The following TRAPPC12 variants were observed in gnomAD, a reference collection of about 807,000 sequenced individuals.
TRAPPC12 encodes the protein trafficking protein particle complex subunit 12, also known as TPR repeat protein 15.
A neutral mutation model predicts 69.2 loss-of-function variants in TRAPPC12; 61 were observed. The observed-to-expected ratio is 0.88, with a 90% confidence interval of 0.72 to 1.09. The LOEUF (loss-of-function observed/expected upper bound fraction) is 1.09, where lower values mean the gene tolerates loss of function less well. TRAPPC12 is among the 50% of genes least tolerant of loss of function. The pLI, the probability that TRAPPC12 is intolerant of heterozygous loss-of-function variation, is 0.00. For synonymous variants in TRAPPC12, 469 were observed against 438.9 expected (o/e 1.07, Z -0.86); for missense variants, 1,101 against 1,016.4 (o/e 1.08, Z -1.13).
Position 3,401,884 on chromosome 2 carries a change from A to G in TRAPPC12, c.1155A>G (p.Lys385=), listed in dbSNP as rs369954623. The G allele has an allele frequency of 4.4e-6, 7 of 1,582,904 alleles. No homozygotes were observed. The African/African-American group carries it at 8.1e-5, about 18-fold the overall frequency. The stretch of plus-strand genomic sequence containing the variant: ...TGGAACAATCTTTTGTTGGATTGAA[A>G]CAGCTAATCGTAAGTGACAATGTGT... ...DSVEQSFVGL[K]QLISCRNWRA... Residue 385 remains lysine, a synonymous_variant, in exon 3 of 12, where the codon AAA becomes AAG. Coordinates refer to ENST00000324266, the MANE Select transcript of TRAPPC12 (RefSeq NM_016030.6).
At chr2:3,477,591 TATAA>T (rs1260996917) in intron 9 of TRAPPC12, 100 bp from the exon 10 acceptor site, 14 of 613,844 alleles carry the variant, frequency 2.3e-5, no homozygotes, top group Non-Finnish European at 3.6e-5. Context: ...CTGCCTGACA[TATAA>T]ATGTCTTCAT....
intron 3 of TRAPPC12, 90 bp downstream of exon 3, chr2:3,401,983 ATAT>A: frequency 1.1e-6 from 1 of 915,760 alleles, no homozygotes; most frequent in Admixed American, 2.8e-5. Context: ...ATTATTTTGA[ATAT>A]TATTCAAAGC....
chr2:3,387,247 G>T (rs1314855953), intron 1 of TRAPPC12, among the ~76,000 whole-genome samples: 1 of 152,166 alleles, frequency 6.6e-6, no homozygotes, highest in Non-Finnish European at 1.5e-5. Context: ...AGCCCTTGAG[G>T]ACTTTATACT....
chr2:3,387,616 T>C lies in TRAPPC12; in HGVS notation c.-4-4T>C. 6.6e-7 allele frequency: 1 copy of C among 1,523,574 alleles called. No homozygotes were observed. Among genetic ancestry groups the C allele is most frequent in the Non-Finnish European group, 8.8e-7 (1 of 1,130,762 alleles). The allele number at this position is 1,523,574 out of a possible 1,614,324, so 94.4% of individuals were successfully genotyped here. A position where few individuals can be genotyped will look rare whatever the true frequency, so the allele number is the denominator to read the frequency against. Reference sequence around the variant, plus strand: ...AGGGGCCTTCTCTCTGTCTTTGCTTTCAGGGTCATGGAGGACGCTGGCGGC... The same window carrying C: ...AGGGGCCTTCTCTCTGTCTTTGCTTCCAGGGTCATGGAGGACGCTGGCGGC... On this transcript the variant is annotated splice_region_variant and splice_polypyrimidine_tract_variant and intron_variant, in intron 1 of 11. Transcript: ENST00000324266.
chr2:3,427,249 C>T (rs1014586618), intron 5 of TRAPPC12, among the ~76,000 whole-genome samples: 1 of 152,200 alleles, frequency 6.6e-6, no homozygotes, highest in Non-Finnish European at 1.5e-5. Flanking sequence ...CCTCCAACCC[C>T]GCCCTCCCAC....
intron 2 of TRAPPC12, among the ~76,000 whole-genome samples, chr2:3,394,096 A>G (rs1035311119): frequency 2.0e-5 from 3 of 152,172 alleles, no homozygotes; most frequent in Admixed American, 1.3e-4. Flanking sequence ...TACCTTCCTC[A>G]ACCAAGTCCA....
intron 5 of TRAPPC12, among the ~76,000 whole-genome samples, chr2:3,427,725 CT>C (rs1663191403): frequency 6.6e-6 from 1 of 152,168 alleles, no homozygotes; most frequent in Admixed American, 6.5e-5. Context: ...ACCCCCATCT[CT>C]ACTAAAAATA....
chr2:3,445,113 A>G (rs1664439044), intron 6 of TRAPPC12, among the ~76,000 whole-genome samples: 1 of 152,218 alleles, frequency 6.6e-6, no homozygotes, highest in African/African-American at 2.4e-5. Flanking sequence ...TTGAGAGAGA[A>G]AATTCTGGGC....
In TRAPPC12 at chr2:3,435,362, A is replaced by AT. The variant is rs897619846; in HGVS notation, c.1418-8410dup. On this transcript the variant is annotated intron_variant, in intron 5 of 11. Coordinates refer to ENST00000324266, the MANE Select transcript of TRAPPC12 (RefSeq NM_016030.6). ...GGGGGCAGGGGAATGGCTCATTAACATTTTTTTAAATAACATTAACATTTT... is the reference window on the plus strand; with the variant it reads ...GGGGGCAGGGGAATGGCTCATTAACATTTTTTTTAAATAACATTAACATTTT... 3.3e-5 allele frequency among the ~76,000 whole-genome samples: 5 copies of AT among 152,138 alleles called. No homozygotes were observed. In the South Asian group the frequency reaches 8.3e-4, roughly 25 times the overall value.
chr2:3,459,048 T>G (rs975800171), intron 7 of TRAPPC12, among the ~76,000 whole-genome samples: 1 of 152,250 alleles, frequency 6.6e-6, no homozygotes, highest in African/African-American at 2.4e-5. Flanking sequence ...TTCTGTGTGT[T>G]CTCCTGAAGC....
chr2:3,385,131 C>G (rs573449159), intron 1 of TRAPPC12, among the ~76,000 whole-genome samples: 3 of 152,246 alleles, frequency 2.0e-5, no homozygotes, highest in African/African-American at 7.2e-5. Flanking sequence ...TCTTCCCATT[C>G]ATAAAAGCAT....
rs535494803 is a variant in TRAPPC12, at chr2:3,400,413, G to A, written c.1048-1364G>A. The stretch of plus-strand genomic sequence containing the variant: ...TCCCAGGATACTCACTGTCTCTGGC[G>A]TTTCAGGGACCTCAGCGCTGCTTCC... On this transcript the variant is annotated intron_variant, in intron 2 of 11. Coordinates refer to ENST00000324266, the MANE Select transcript of TRAPPC12 (RefSeq NM_016030.6). Among the ~76,000 whole-genome samples the A allele has an allele frequency of 4.6e-5, 7 of 151,750 alleles. No individual in the cohort carries two copies. In the East Asian group the frequency reaches 7.8e-4, roughly 17 times the overall value.
chr2:3,469,245 T>G (rs1166517243), intron 9 of TRAPPC12, among the ~76,000 whole-genome samples: 2 of 152,198 alleles, frequency 1.3e-5, no homozygotes. Flanking sequence ...CTAAACTGGC[T>G]GTGTGTGAGC....
chr2:3,462,892 C>T, intron 8 of TRAPPC12: 1 of 471,030 alleles, frequency 2.1e-6, no homozygotes, highest in Non-Finnish European at 4.4e-6. Context: ...CGCCGTGGCT[C>T]CGCACATGAT....
intron 3 of TRAPPC12, among the ~76,000 whole-genome samples, chr2:3,412,496 G>A (rs185958914): frequency 3.3e-4 from 50 of 152,310 alleles, no homozygotes; most frequent in Middle Eastern, 6.8e-3. Flanking sequence ...AGGTGGCTGA[G>A]GTTGCAGTGA....
chr2:3,446,507 C>A (rs1195637330), intron 6 of TRAPPC12, among the ~76,000 whole-genome samples: 1 of 152,242 alleles, frequency 6.6e-6, no homozygotes, highest in Non-Finnish European at 1.5e-5. Context: ...GTCAGCCTTG[C>A]CTGTCCGCCA....
intron 8 of TRAPPC12, among the ~76,000 whole-genome samples, chr2:3,464,206 TGCTCGC>T (rs1665677077): frequency 1.3e-5 from 2 of 151,958 alleles, no homozygotes; most frequent in African/African-American, 4.8e-5. Context: ...TACACACACA[TGCTCGC>T]ACTCGCACAG....
chr2:3,423,157 C>A (rs542330050), intron 4 of TRAPPC12, among the ~76,000 whole-genome samples: 1 of 152,222 alleles, frequency 6.6e-6, no homozygotes, highest in South Asian at 2.1e-4. Flanking sequence ...TCCTTTCCAA[C>A]TAGGTCTGAA....
At position 3,401,977 on chromosome 2, in the gene TRAPPC12, T is replaced by C. The variant is rs1661468548; in HGVS notation, c.1164+84T>C. 35 of 945,836 alleles carry C rather than the reference T, an allele frequency of 3.7e-5. 1 individual carries two copies. The South Asian group carries it at 6.9e-4, about 19-fold the overall frequency. The allele number at this position is 945,836 out of a possible 1,614,324, so 58.6% of individuals were successfully genotyped here. On this transcript the variant is annotated intron_variant, in intron 3 of 11. Transcript: ENST00000324266. ...TAATATTTTCTCTAGAAGTCAATTA[T>C]TTTGAATATTATTCAAAGCTCTTGC... is the stretch of plus-strand genomic sequence containing the variant.
Sources: allele counts gnomAD v4.1 joint callset (sites outside exome capture counted in the v4.1 genomes callset), GRCh38; gene constraint gnomAD v4.1.1; transcripts MANE v1.5; gene names NCBI Gene and HGNC (gene_info 2026-07-23, HGNC 2026-07-21).